Variants in ZRANB3 observed in about 807,000 individuals in gnomAD.
The protein encoded by ZRANB3 is DNA annealing helicase and endonuclease ZRANB3.
ZRANB3 carries 125 observed loss-of-function variants against 133.8 expected under a neutral mutation model. That is an observed-to-expected ratio of 0.93 (90% CI 0.81 to 1.08). The LOEUF is 1.08. Ranked by LOEUF, ZRANB3 falls within the 50% of genes least tolerant of loss-of-function variation. ZRANB3 has a pLI of 0.00. For missense variants in ZRANB3, 1,229 were observed against 1,275.5 expected, an observed-to-expected ratio of 0.96 and a Z score of 0.56; for synonymous variants, 387 against 432.7, an observed-to-expected ratio of 0.89 and a Z score of 1.31.
At chr2:135,440,021 C>A (rs1441128652) in intron 2 of ZRANB3, among the ~76,000 whole-genome samples, 1 of 152,190 alleles carries the variant, frequency 6.6e-6, no homozygotes, top group Admixed American at 6.5e-5. Context: ...AAAATCAATA[C>A]ACAATGTAGT....
chr2:135,452,102 T>A (rs1690298371), intron 2 of ZRANB3, among the ~76,000 whole-genome samples: 1 of 152,086 alleles, frequency 6.6e-6, no homozygotes, highest in Non-Finnish European at 1.5e-5. Context: ...GACTTACAGT[T>A]CCACATGGCT....
intron 8 of ZRANB3, among the ~76,000 whole-genome samples, chr2:135,297,371 C>A (rs912610055): frequency 6.6e-6 from 1 of 152,218 alleles, no homozygotes; most frequent in South Asian, 2.1e-4. Context: ...TATGACCCTC[C>A]GAGACAGGTG....
intron 2 of ZRANB3, among the ~76,000 whole-genome samples, chr2:135,419,113 A>C (rs1248998678): frequency 6.7e-6 from 1 of 150,340 alleles, no homozygotes; most frequent in Non-Finnish European, 1.5e-5. Flanking sequence ...AATTTTTTGT[A>C]TTTTTAGTAG....
intron 2 of ZRANB3, among the ~76,000 whole-genome samples, chr2:135,397,516 G>T (rs1687547254): frequency 6.6e-6 from 1 of 151,830 alleles, no homozygotes; most frequent in African/African-American, 2.4e-5. Flanking sequence ...GGTATATCCT[G>T]TTGAAGAAAT....
intron 3 of ZRANB3, among the ~76,000 whole-genome samples, chr2:135,379,311 A>G (rs1393434691): frequency 1.3e-5 from 2 of 152,182 alleles, no homozygotes; most frequent in African/African-American, 4.8e-5. Flanking sequence ...TTTTAATGCT[A>G]TCACCTTCAT....
rs141019783 is a variant in ZRANB3, at chr2:135,378,921, T to C, written c.180+11881A>G. 1.2e-4 allele frequency among the ~76,000 whole-genome samples: 18 copies of C among 152,330 alleles called. No individual in the cohort carries two copies. The East Asian group carries it at 3.1e-3, about 26-fold the overall frequency. ...GAAGCCTAAAGAGACATTGCTAATA[T>C]GCAGAGTAATGTGTTTCCTGGATGG... On this transcript the variant is annotated intron_variant, in intron 3 of 20. Transcript: ENST00000264159.
chr2:135,332,449 G>C (rs1337924968), intron 6 of ZRANB3, among the ~76,000 whole-genome samples: 1 of 152,124 alleles, frequency 6.6e-6, no homozygotes, highest in African/African-American at 2.4e-5. Context: ...CGGCAGCTCT[G>C]AAATAATGTC....
intron 2 of ZRANB3, among the ~76,000 whole-genome samples, chr2:135,460,911 C>G (rs1690738000): frequency 6.6e-6 from 1 of 151,940 alleles, no homozygotes; most frequent in Non-Finnish European, 1.5e-5. Context: ...CACTAATGAC[C>G]AATTTTTAAT....
At chr2:135,289,970 G>A (rs138180987) in intron 8 of ZRANB3, among the ~76,000 whole-genome samples, 170 of 152,240 alleles carry the variant, frequency 1.1e-3, no homozygotes, top group Non-Finnish European at 2.0e-3. Flanking sequence ...CCATCATATG[G>A]TCTACCTTAG....
At chr2:135,522,377 G>A (rs998206071) in intron 1 of ZRANB3, among the ~76,000 whole-genome samples, 7 of 152,116 alleles carry the variant, frequency 4.6e-5, no homozygotes, top group African/African-American at 1.4e-4. Flanking sequence ...CCCTGGACTC[G>A]CCTTTTAAAC....
intron 2 of ZRANB3, among the ~76,000 whole-genome samples, chr2:135,415,427 C>T (rs934316368): frequency 5.3e-5 from 8 of 152,162 alleles, no homozygotes; most frequent in Non-Finnish European, 1.0e-4. Context: ...AATCTCTGAA[C>T]AGACCAATAA....
At chr2:135,327,923 AG>A (rs1281326870) in intron 6 of ZRANB3, among the ~76,000 whole-genome samples, 4 of 152,314 alleles carry the variant, frequency 2.6e-5, no homozygotes, top group Non-Finnish European at 5.9e-5. Context: ...ATTACAGAAA[AG>A]TGTGTACAAT....
chr2:135,503,961 T>A (rs1693059483), intron 2 of ZRANB3, among the ~76,000 whole-genome samples: 1 of 150,406 alleles, frequency 6.6e-6, no homozygotes, highest in Non-Finnish European at 1.5e-5. Context: ...AAGGGCAGAG[T>A]CTATTAAAAA....
chr2:135,466,382 CAAAAAAAAAA>C (rs553890734), intron 2 of ZRANB3, among the ~76,000 whole-genome samples: 421 of 28,254 alleles, frequency 0.015, 3 homozygotes, highest in African/African-American at 0.02. Context: ...GACTCCGTCA[CAAAAAAAAAA>C]AAAAAAAAAA....
chr2:135,421,659 A>G (rs1688847785), intron 2 of ZRANB3, among the ~76,000 whole-genome samples: 1 of 151,718 alleles, frequency 6.6e-6, no homozygotes, highest in South Asian at 2.1e-4. Flanking sequence ...CTCTCTGACT[A>G]CTCTATATCT....
At chr2:135,267,433 T>A (rs1680302835) in intron 11 of ZRANB3, among the ~76,000 whole-genome samples, 1 of 152,054 alleles carries the variant, frequency 6.6e-6, no homozygotes, top group African/African-American at 2.4e-5. Flanking sequence ...GGCAGAACCC[T>A]CATGACCCAA....
At chr2:135,314,566 A>T (rs1473642557) in intron 7 of ZRANB3, among the ~76,000 whole-genome samples, 1 of 152,232 alleles carries the variant, frequency 6.6e-6, no homozygotes, top group Non-Finnish European at 1.5e-5. Flanking sequence ...AAGGATTAGT[A>T]AACTGGTTTT....
rs540381461 is a variant in ZRANB3, at chr2:135,328,800, C to T, written c.678-13270G>A. Among the ~76,000 whole-genome samples, 104 of 152,144 alleles carry T rather than the reference C, an allele frequency of 6.8e-4. 1 individual carries two copies. The highest frequency in any genetic ancestry group is 2.1e-3 in the African/African-American group (87 of 41,492). On this transcript the variant is annotated intron_variant, in intron 6 of 20. Coordinates refer to ENST00000264159, the MANE Select transcript of ZRANB3 (RefSeq NM_032143.4). ...TCTCATTGTGGTTTTGATTTGCATT[C>T]CTCTGATGAGCAGTGATGATGAGCA... is the stretch of plus-strand genomic sequence containing the variant.
chr2:135,265,722 T>C (rs746577334), intron 11 of ZRANB3, 36 bp from the exon 12 acceptor site: 4 of 1,582,060 alleles, frequency 2.5e-6, no homozygotes, highest in Non-Finnish European at 1.7e-6. Context: ...TTTTGAGCAG[T>C]TCACCTCACA....
Sources: allele counts gnomAD v4.1 joint callset (sites outside exome capture counted in the v4.1 genomes callset), GRCh38; gene constraint gnomAD v4.1.1; transcripts MANE v1.5; gene names NCBI Gene and HGNC (gene_info 2026-07-23, HGNC 2026-07-21).